The following TCERG1L variants were observed in gnomAD, a reference collection of about 807,000 sequenced individuals.
The protein encoded by TCERG1L is transcription elongation regulator 1 like.
Under a neutral mutation model 56.3 loss-of-function variants are expected in TCERG1L, and 37 were observed. The observed-to-expected ratio is 0.66, with a 90% confidence interval of 0.51 to 0.87. The LOEUF (loss-of-function observed/expected upper bound fraction) is 0.87, where lower values mean the gene tolerates loss of function less well. Ranked by LOEUF, TCERG1L falls within the 40% of genes least tolerant of loss-of-function variation. The pLI is 0.00. For synonymous variants in TCERG1L, 324 were observed against 326.3 expected (o/e 0.99, Z 0.08); for missense variants, 799 against 774.2 (o/e 1.03, Z -0.38).
At chr10:131,093,606 T>C (rs1402223944) in intron 11 of TCERG1L, among the ~76,000 whole-genome samples, 1 of 152,122 alleles carries the variant, frequency 6.6e-6, no homozygotes, top group Non-Finnish European at 1.5e-5. Context: ...CATGCAGCTG[T>C]CACTCCCCCA....
intron 4 of TCERG1L, among the ~76,000 whole-genome samples, chr10:131,239,451 A>G (rs1024851001): frequency 6.6e-6 from 1 of 152,224 alleles, no homozygotes; most frequent in Non-Finnish European, 1.5e-5. Flanking sequence ...TTATTTATTT[A>G]TTACCTCAAA....
intron 9 of TCERG1L, among the ~76,000 whole-genome samples, chr10:131,116,056 ACCACTGCCG>A (rs988774274): frequency 2.0e-4 from 31 of 152,232 alleles, no homozygotes; most frequent in African/African-American, 6.0e-4. Context: ...CGTGGGGCCC[ACCACTGCCG>A]CCTGCAGTCA....
Position 131,093,311 on chromosome 10 carries a change from A to G in TCERG1L, c.1612T>C (p.Phe538Leu). ...CCGTATTTCTCTGCAAACTCCTTAA[A>G]CGTGGTCCTGAAAAAGAAAGAGTTT... Reference protein sequence around the residue: ...EESKVSPRTTFKEFAEKYGRD... With the variant: ...EESKVSPRTTLKEFAEKYGRD... Residue 538 changes from phenylalanine (F) to leucine (L), a missense_variant, in exon 12 of 12, where the codon TTT becomes CTT. Physicochemically the swap from Phe to Leu is conservative, Grantham distance 22 (BLOSUM62 0). Coordinates refer to ENST00000368642, the MANE Select transcript of TCERG1L (RefSeq NM_174937.4). 1 of 1,612,344 alleles carries G rather than the reference A, an allele frequency of 6.2e-7. No homozygotes were observed. Among genetic ancestry groups the G allele is most frequent in the Non-Finnish European group, 8.5e-7 (1 of 1,179,488 alleles).
rs1845438682 is a variant in TCERG1L at position 131,201,784 on chromosome 10, C to G, written c.857-34899G>C. Among the ~76,000 whole-genome samples, 2 of 152,164 alleles carry G rather than the reference C, an allele frequency of 1.3e-5. 1 individual carries two copies. ...TTCTCTGCGGGACTGTAATGACCTT[C>G]TAAATGCTCAGCTGTGAGTGAGTTT... On this transcript the variant is annotated intron_variant, in intron 4 of 11. Coordinates refer to ENST00000368642, the MANE Select transcript of TCERG1L (RefSeq NM_174937.4).
chr10:131,152,974 G>C (rs1298258774), intron 6 of TCERG1L, among the ~76,000 whole-genome samples: 2 of 152,166 alleles, frequency 1.3e-5, no homozygotes, highest in African/African-American at 4.8e-5. Context: ...ACCTCCACCT[G>C]CTCCTGCCCT....
intron 10 of TCERG1L, among the ~76,000 whole-genome samples, chr10:131,102,791 C>A (rs999722313): frequency 6.6e-6 from 1 of 152,160 alleles, no homozygotes; most frequent in Non-Finnish European, 1.5e-5. Context: ...GGGCCCTTCT[C>A]AGACGTGATC....
intron 3 of TCERG1L, among the ~76,000 whole-genome samples, chr10:131,291,690 T>C (rs1019606903): frequency 6.6e-6 from 1 of 151,818 alleles, no homozygotes; most frequent in Non-Finnish European, 1.5e-5. Flanking sequence ...CCTCCCAAAG[T>C]GCTAGGATTA....
rs1028250355 is a variant in TCERG1L, at chr10:131,255,748, C to T, written c.856+4511G>A. Among the ~76,000 whole-genome samples the T allele has an allele frequency of 3.3e-5, 5 of 152,212 alleles. 1 individual carries two copies. In the South Asian group the frequency reaches 6.2e-4, roughly 19 times the overall value. On this transcript the variant is annotated intron_variant, in intron 4 of 11. Transcript: ENST00000368642. ...GGAACGGAGCAGCTCAGAAAGAACG[C>T]GAGGTCCCAGGAGCATCGTTTTCTA...
In TCERG1L at chr10:131,191,879, A is replaced by G. The variant is rs1442758488; in HGVS notation, c.857-24994T>C. On this transcript the variant is annotated intron_variant, in intron 4 of 11. Transcript: ENST00000368642. The stretch of plus-strand genomic sequence containing the variant: ...GACTCCGTCTCAAAAAAAAAAAAAA[A>G]AAAAAAAAAAGAAAAAAAGAAAAAG... 2.9e-5 allele frequency among the ~76,000 whole-genome samples: 4 copies of G among 138,070 alleles called. 1 individual carries two copies. The East Asian group carries it at 7.8e-4, about 27-fold the overall frequency. 90.6% of individuals were successfully genotyped at this position (138,070 alleles called of 152,430 possible). A position where few individuals can be genotyped will look rare whatever the true frequency, so the allele number is the denominator to read the frequency against.
At chr10:131,295,044 T>C (rs1846675544) in intron 3 of TCERG1L, among the ~76,000 whole-genome samples, 1 of 152,174 alleles carries the variant, frequency 6.6e-6, no homozygotes, top group Non-Finnish European at 1.5e-5. Context: ...CTTATAGTTT[T>C]GCTTTGCCTA....
intron 4 of TCERG1L, among the ~76,000 whole-genome samples, chr10:131,235,241 A>T (rs778731668): frequency 1.3e-5 from 2 of 152,232 alleles, no homozygotes; most frequent in Non-Finnish European, 1.5e-5. Context: ...TTTCTAAGGC[A>T]ATTTCAATGA....
At chr10:131,259,601 A>G (rs562805051) in intron 4 of TCERG1L, among the ~76,000 whole-genome samples, 1 of 152,334 alleles carries the variant, frequency 6.6e-6, no homozygotes, top group African/African-American at 2.4e-5. Context: ...AGGGCCTCCC[A>G]TCTACCCTGA....
chr10:131,183,583 A>T (rs1204712501), intron 4 of TCERG1L, among the ~76,000 whole-genome samples: 1 of 152,074 alleles, frequency 6.6e-6, no homozygotes, highest in Non-Finnish European at 1.5e-5. Flanking sequence ...CAAATATCTC[A>T]GTTTTCAGGA....
chr10:131,213,037 C>G (rs1488857950), intron 4 of TCERG1L, among the ~76,000 whole-genome samples: 7 of 152,268 alleles, frequency 4.6e-5, no homozygotes, highest in African/African-American at 1.7e-4. Flanking sequence ...TCTGCCCCAT[C>G]AGGCAGGCAG....
chr10:131,191,864 C>CAAAAA (rs59816491), intron 4 of TCERG1L, among the ~76,000 whole-genome samples: 16 of 28,704 alleles, frequency 5.6e-4, no homozygotes, highest in Admixed American at 1.2e-3. Flanking sequence ...GACTCCGTCT[C>CAAAAA]AAAAAAAAAA....
In TCERG1L at chr10:131,260,971, C is replaced by T. The variant is rs2133543820; in HGVS notation, c.671-527G>A. Among the ~76,000 whole-genome samples, 1 of 151,618 alleles carries T rather than the reference C, an allele frequency of 6.6e-6. No individual in the cohort carries two copies. The highest frequency in any genetic ancestry group is 2.0e-4 in the East Asian group (1 of 5,120). ...GGGCGGAGAGGTTTCCAGAGGGCAC[C>T]AGGCTCAGCCGGGCCCTGCAGGGAG... On this transcript the variant is annotated intron_variant, in intron 3 of 11. Transcript: ENST00000368642. The surrounding 1 kb of genome is among the most constrained non-coding windows in gnomAD (Gnocchi z 5.8).
chr10:131,286,559 ATTATTC>A (rs577280989), intron 3 of TCERG1L, among the ~76,000 whole-genome samples: 52 of 152,220 alleles, frequency 3.4e-4, no homozygotes, highest in Non-Finnish European at 6.0e-4. Context: ...ACAAATATGA[ATTATTC>A]TTATACTGGA....
At chr10:131,133,674 C>T (rs975604200) in intron 8 of TCERG1L, among the ~76,000 whole-genome samples, 4 of 152,212 alleles carry the variant, frequency 2.6e-5, no homozygotes, top group Non-Finnish European at 4.4e-5. Flanking sequence ...TCCACATTCA[C>T]CCCCTTATCT....
At chr10:131,236,845 G>C (rs1194146957) in intron 4 of TCERG1L, among the ~76,000 whole-genome samples, 1 of 152,006 alleles carries the variant, frequency 6.6e-6, no homozygotes, top group Non-Finnish European at 1.5e-5. Flanking sequence ...TCTAGTCTAG[G>C]TGCTTTCTGA....
Sources: allele counts gnomAD v4.1 joint callset (sites outside exome capture counted in the v4.1 genomes callset), GRCh38; gene constraint gnomAD v4.1.1; non-coding constraint Gnocchi (gnomAD v3.1); transcripts MANE v1.5; gene names NCBI Gene and HGNC (gene_info 2026-07-23, HGNC 2026-07-21).